The following OAS1 variants were observed in gnomAD, a reference collection of about 807,000 sequenced individuals.
OAS1 encodes 2'-5'-oligoadenylate synthase 1.
In OAS1, 24 loss-of-function variants were observed where a neutral mutation model predicts 38.5. That is an observed-to-expected ratio of 0.62 (90% CI 0.45 to 0.88). The LOEUF (loss-of-function observed/expected upper bound fraction) is 0.88, where lower values mean the gene tolerates loss of function less well. OAS1 is among the 40% of genes least tolerant of loss of function. The pLI, the probability that OAS1 is intolerant of heterozygous loss-of-function variation, is 0.00. For synonymous variants in OAS1, 169 were observed against 193.9 expected (o/e 0.87, Z 1.07); for missense variants, 482 against 493.9 (o/e 0.98, Z 0.23).
At chr12:112,928,414 A>G (rs989061328) in intron 6 of OAS1, among the ~76,000 whole-genome samples, 1 of 152,210 alleles carries the variant, frequency 6.6e-6, no homozygotes, top group Non-Finnish European at 1.5e-5. Flanking sequence ...TTGGTTAGTG[A>G]TTGCTACATA....
chr12:112,918,423 G>A (rs1380120888), intron 5 of OAS1: 2 of 294,212 alleles, frequency 6.8e-6, no homozygotes, highest in East Asian at 8.2e-5. Flanking sequence ...CCATGACTTT[G>A]CTATTGTGAA....
chr12:112,933,173 G>T (rs1565970216), downstream of OAS1: 1 of 152,118 alleles, frequency 6.6e-6, no homozygotes, highest in Non-Finnish European at 1.5e-5. Flanking sequence ...TGCTCTCAAT[G>T]CCCCATCTAC....
chr12:112,911,549 C>A (rs901510598), intron 3 of OAS1, among the ~76,000 whole-genome samples: 2 of 152,132 alleles, frequency 1.3e-5, no homozygotes, highest in African/African-American at 4.8e-5. Context: ...ATGCTACATA[C>A]ACACACGCAC....
rs768873305 is a variant in OAS1, at chr12:112,908,797, G to T, written c.442G>T (p.Asp148Tyr). 6.2e-7 allele frequency: 1 copy of T among 1,603,126 alleles called. No homozygotes were observed. The highest frequency in any genetic ancestry group is 1.1e-5 in the South Asian group (1 of 89,986). ...SLQLGEGVEF[D>Y]VLPAFDALGQ... ...CCAGCTCGGGGAGGGGGTGGAGTTC[G>T]ATGTGCTGCCTGCCTTTGATGCCCT... The change falls in exon 2 of 6, where the codon GAT becomes TAT. Residue 148 changes from aspartate (D) to tyrosine (Y), a missense_variant. By Grantham distance (160) the Asp-to-Tyr change is radical. Transcript: ENST00000202917.
downstream of OAS1, chr12:112,932,636 C>T (rs1412143212): frequency 6.6e-6 from 1 of 152,318 alleles, no homozygotes; most frequent in Non-Finnish European, 1.5e-5. Context: ...CACAGTAACA[C>T]AAAAGTAATA....
downstream of OAS1, among the ~76,000 whole-genome samples, chr12:112,920,744 A>T (rs1461740885): frequency 1.3e-5 from 2 of 152,168 alleles, no homozygotes; most frequent in African/African-American, 4.8e-5. Context: ...TGATCACCTG[A>T]GTTGCTGGTC....
downstream of OAS1, among the ~76,000 whole-genome samples, chr12:112,921,367 C>G (rs1214563491): frequency 6.6e-6 from 1 of 152,166 alleles, no homozygotes; most frequent in Non-Finnish European, 1.5e-5. Flanking sequence ...GGAAAATGCA[C>G]TTGTGTTGCC....
chr12:112,918,662 T>C (rs957457015), intron 5 of OAS1: 21 of 455,638 alleles, frequency 4.6e-5, no homozygotes, highest in Non-Finnish European at 8.4e-5. Flanking sequence ...GTGGTGGAAA[T>C]GGAATTCAAG....
At position 112,909,015 on chromosome 12, in the gene OAS1, A is replaced by G. The variant is rs2043340735; in HGVS notation, c.469+191A>G. On this transcript the variant is annotated intron_variant, in intron 2 of 5. Transcript: ENST00000202917. The stretch of plus-strand genomic sequence containing the variant: ...GAGAGACATTAAACAGCAAATTGGC[A>G]TAATGTGGGGACAAAGACATTTCTT... The G allele has an allele frequency of 1.3e-5, 7 of 528,102 alleles. No homozygotes were observed. In the East Asian group the frequency reaches 2.2e-4, roughly 17 times the overall value. 32.7% of individuals were successfully genotyped at this position (528,102 alleles called of 1,614,324 possible).
intron 6 of OAS1, among the ~76,000 whole-genome samples, chr12:112,930,163 C>CATGAT (rs2043588894): frequency 1.3e-5 from 2 of 152,144 alleles, no homozygotes; most frequent in Non-Finnish European, 2.9e-5. Context: ...GCTTTCGCCA[C>CATGAT]ATGATATGCC....
Position 112,919,409 on chromosome 12 carries a change from C to A in OAS1, c.1059C>A (p.Asp353Glu), listed in dbSNP as rs752510340. The A allele has an allele frequency of 7.4e-6, 12 of 1,613,588 alleles. No individual in the cohort carries two copies. The highest frequency in any genetic ancestry group is 1.0e-5 in the Non-Finnish European group (12 of 1,179,622). ...TTCAGGCTGAAAGCAACAGTGCAGA[C>A]GATGAGACCGACGATCCCAGGAGGT... ...WILLAESNSA[D>E]DETDDPRRYQ... Residue 353 changes from aspartate (D) to glutamate (E), a missense_variant, in exon 6 of 6, where the codon GAC becomes GAA. Coordinates refer to ENST00000202917, the MANE Select transcript of OAS1 (RefSeq NM_016816.4).
chr12:112,908,723 C>G lies in OAS1; in HGVS notation c.368C>G (p.Ala123Gly). ...RAFSVKFEVQ[A>G]PRWGNPRALS... ...TTTTCCGTGAAGTTTGAGGTCCAGG[C>G]TCCACGCTGGGGCAACCCCCGTGCG... is the stretch of plus-strand genomic sequence containing the variant. The change falls in exon 2 of 6, where the codon GCT becomes GGT. Residue 123 changes from alanine to glycine, a missense_variant. Coordinates refer to ENST00000202917, the MANE Select transcript of OAS1 (RefSeq NM_016816.4). 1 of 1,614,200 alleles carries G rather than the reference C, an allele frequency of 6.2e-7. No homozygotes were observed. Among genetic ancestry groups the G allele is most frequent in the Non-Finnish European group, 8.5e-7 (1 of 1,180,030 alleles).
intron 5 of OAS1, chr12:112,918,607 G>T (rs894780478): frequency 6.6e-6 from 3 of 454,392 alleles, no homozygotes; most frequent in Admixed American, 4.7e-5. Flanking sequence ...ATGAGACAAA[G>T]GCTCAGAGAG....
rs2043410255 is a variant in OAS1 at position 112,913,184 on chromosome 12, C to T, written c.654+1949C>T. Among the ~76,000 whole-genome samples, 3 of 152,134 alleles carry T rather than the reference C, an allele frequency of 2.0e-5. No individual in the cohort carries two copies. In the South Asian group the frequency reaches 6.2e-4, roughly 32 times the overall value. On this transcript the variant is annotated intron_variant, in intron 3 of 5. Coordinates refer to ENST00000202917, the MANE Select transcript of OAS1 (RefSeq NM_016816.4). ...ATTTCAGTATATTGAATATATCATTCCATCTTCCAGTGTCATCATTAAAAA... is the reference window on the plus strand; with the variant it reads ...ATTTCAGTATATTGAATATATCATTTCATCTTCCAGTGTCATCATTAAAAA...
At chr12:112,926,370 C>T (rs1336645577) in intron 6 of OAS1, among the ~76,000 whole-genome samples, 2 of 152,120 alleles carry the variant, frequency 1.3e-5, no homozygotes, top group Non-Finnish European at 2.9e-5. Context: ...TCGGGGGAAA[C>T]CAGCCCCCGA....
chr12:112,926,561 A>AG (rs58666899), intron 6 of OAS1, among the ~76,000 whole-genome samples: 112,572 of 151,516 alleles, frequency 0.74, 43,104 homozygotes, highest in African/African-American at 0.94. Context: ...CAATCTTCAA[A>AG]GGGAGGAAAT....
intron 3 of OAS1, among the ~76,000 whole-genome samples, chr12:112,914,730 G>GTTTTTTTTTTTTTT (rs60578734): frequency 1.7e-5 from 2 of 118,492 alleles, no homozygotes; most frequent in Non-Finnish European, 1.8e-5. Flanking sequence ...GTTGGTATTT[G>GTTTTTTTTTTTTTT]TTTTTTTTTT....
chr12:112,917,497 A>G (rs780662789), intron 4 of OAS1, 50 bp from the exon 5 acceptor site: 1 of 1,611,090 alleles, frequency 6.2e-7, no homozygotes, highest in South Asian at 1.1e-5. Flanking sequence ...TGGACTCCCT[A>G]GACAGAGCCC....
At chr12:112,926,229 C>T (rs1233067460) in intron 6 of OAS1, among the ~76,000 whole-genome samples, 1 of 152,148 alleles carries the variant, frequency 6.6e-6, no homozygotes, top group Admixed American at 6.5e-5. Context: ...TCAAGCATTC[C>T]TTCTGCCTCC....
Sources: allele counts gnomAD v4.1 joint callset (sites outside exome capture counted in the v4.1 genomes callset), GRCh38; gene constraint gnomAD v4.1.1; transcripts MANE v1.5; gene names NCBI Gene and HGNC (gene_info 2026-07-23, HGNC 2026-07-21).